The following APTX variants were observed in gnomAD, a reference collection of about 807,000 sequenced individuals.
The protein encoded by APTX is aprataxin, also known as forkhead-associated domain histidine triad-like protein.
A neutral mutation model predicts 42.3 loss-of-function variants in APTX; 33 were observed. The ratio of observed to expected loss-of-function variants is 0.78; its 90% CI spans 0.59 to 1.04. The LOEUF is 1.04. APTX is among the 50% of genes least tolerant of loss of function. APTX has a pLI of 0.00. For synonymous variants in APTX, 130 were observed against 146.7 expected, an observed-to-expected ratio of 0.89 and a Z score of 0.82; for missense variants, 421 against 415.1, an observed-to-expected ratio of 1.01 and a Z score of -0.12.
intron 1 of APTX, among the ~76,000 whole-genome samples, chr9:32,993,499 A>T (rs1230416713): frequency 6.6e-6 from 1 of 152,182 alleles, no homozygotes; most frequent in African/African-American, 2.4e-5. Context: ...AACACTTGGC[A>T]TACAGCGGGC....
rs1027650186 is a variant in APTX at position 32,993,961 on chromosome 9, C to T, written c.-4-4066G>A. ...CTCGAACTCCTGATGTCAGGCGATC[C>T]GCCCACCTCGGCCTCCCAAAGTGCT... On this transcript the variant is annotated intron_variant, in intron 1 of 7. Coordinates refer to ENST00000379817, the MANE Select transcript of APTX (RefSeq NM_001195248.2). Among the ~76,000 whole-genome samples, 7 of 151,460 alleles carry T rather than the reference C, an allele frequency of 4.6e-5. No individual in the cohort carries two copies. In the East Asian group the frequency reaches 1.2e-3, roughly 25 times the overall value.
At chr9:32,989,728 T>C (rs778967030) in intron 2 of APTX, 31 bp downstream of exon 2, 146 of 1,614,002 alleles carry the variant, frequency 9.0e-5, no homozygotes, top group Non-Finnish European at 1.2e-4. Flanking sequence ...CACATAACCA[T>C]AGTAATCTCC....
intron 1 of APTX, among the ~76,000 whole-genome samples, chr9:33,013,854 A>G (rs1341902193): frequency 6.6e-6 from 1 of 152,176 alleles, no homozygotes; most frequent in Non-Finnish European, 1.5e-5. Context: ...TGCCTTTTCA[A>G]TGTCAATGAT....
At chr9:32,987,522 C>G in intron 4 of APTX, 22 bp downstream of exon 4, 1 of 1,612,890 alleles carries the variant, frequency 6.2e-7, no homozygotes, top group Non-Finnish European at 8.5e-7. Context: ...TCCACATCAT[C>G]TACCAATCAC....
At chr9:33,021,773 T>C (rs776976807) in intron 1 of APTX, among the ~76,000 whole-genome samples, 2 of 152,124 alleles carry the variant, frequency 1.3e-5, no homozygotes, top group Non-Finnish European at 2.9e-5. Context: ...TACTTACAAA[T>C]AATCCTCAGT....
intron 1 of APTX, among the ~76,000 whole-genome samples, chr9:32,991,059 T>G (rs1833494187): frequency 6.6e-6 from 1 of 152,084 alleles, no homozygotes; most frequent in Non-Finnish European, 1.5e-5. Context: ...CCCGAGTAGC[T>G]GGGATTATGG....
chr9:33,004,630 C>CT (rs3065216), upstream of APTX, among the ~76,000 whole-genome samples: 7,211 of 125,594 alleles, frequency 0.057, 338 homozygotes, highest in East Asian at 0.11. Context: ...CTTGCCAACC[C>CT]TTTTTTTTTT....
chr9:32,997,680 G>T (rs1835273966), intron 1 of APTX, among the ~76,000 whole-genome samples: 1 of 152,222 alleles, frequency 6.6e-6, no homozygotes, highest in South Asian at 2.1e-4. Flanking sequence ...ATGCCATTCA[G>T]TGTTGCTGGA....
intron 5 of APTX, among the ~76,000 whole-genome samples, 186 bp downstream of exon 5, chr9:32,985,785 C>G (rs1831859016): frequency 6.6e-6 from 1 of 152,146 alleles, no homozygotes; most frequent in South Asian, 2.1e-4. Context: ...TCAGCTTTCT[C>G]TCCAAACAAT....
intron 1 of APTX, among the ~76,000 whole-genome samples, chr9:33,007,882 G>C (rs1448601051): frequency 6.6e-6 from 1 of 151,512 alleles, no homozygotes; most frequent in East Asian, 1.9e-4. Flanking sequence ...AGGCTGCCCA[G>C]AGGGGTACTC....
chr9:32,989,507 T>C, intron 2 of APTX: 1 of 621,530 alleles, frequency 1.6e-6, no homozygotes, highest in Non-Finnish European at 3.0e-6. Context: ...AGGACTCAAT[T>C]CCACCATCCC....
Position 32,986,040 on chromosome 9 carries a change from A to ATC in APTX, c.484-11_484-10insGA. The ATC allele has an allele frequency of 1.5e-6, 1 of 655,902 alleles. No homozygotes were observed. Among genetic ancestry groups the ATC allele is most frequent in the Non-Finnish European group, 2.2e-6 (1 of 447,032 alleles). The allele number at this position is 655,902 out of a possible 1,614,324, so 40.6% of individuals were successfully genotyped here. Reference sequence around the variant, plus strand: ...AGTGGCCCAGGGATTCCTAAAAAAAAAACAAAAAAAAAAACAAAAAAAAAA... The same window carrying ATC: ...AGTGGCCCAGGGATTCCTAAAAAAAATCAACAAAAAAAAAAACAAAAAAAAAA... On this transcript the variant is annotated splice_polypyrimidine_tract_variant and intron_variant, in intron 4 of 7. Coordinates refer to ENST00000379817, the MANE Select transcript of APTX (RefSeq NM_001195248.2).
At chr9:32,995,901 A>AAG (rs1554670212) in intron 1 of APTX, among the ~76,000 whole-genome samples, 3 of 151,686 alleles carry the variant, frequency 2.0e-5, no homozygotes, top group Non-Finnish European at 4.4e-5. Context: ...AAAAAAAAAA[A>AAG]AAAGAAATTG....
intron 3 of APTX, 84 bp from the exon 4 acceptor site, chr9:32,987,930 C>G: frequency 6.4e-7 from 1 of 1,554,430 alleles, no homozygotes; most frequent in Non-Finnish European, 8.8e-7. Flanking sequence ...TAACCACTTA[C>G]TATATGCCAA....
intron 6 of APTX, among the ~76,000 whole-genome samples, chr9:32,975,470 G>A (rs1408384439): frequency 6.6e-6 from 1 of 152,198 alleles, no homozygotes; most frequent in Non-Finnish European, 1.5e-5. Flanking sequence ...GGGAGGCCGA[G>A]GCAGGTGGAT....
At chr9:33,023,497 A>G in intron 1 of APTX, among the ~76,000 whole-genome samples, 1 of 152,254 alleles carries the variant, frequency 6.6e-6, no homozygotes, top group East Asian at 1.9e-4. Flanking sequence ...TGCTGGGATT[A>G]CAGGTGTGAG....
intron 6 of APTX, among the ~76,000 whole-genome samples, chr9:32,976,829 C>T (rs1218498087): frequency 6.6e-6 from 1 of 152,108 alleles, no homozygotes; most frequent in Non-Finnish European, 1.5e-5. Context: ...CAAGAAATTA[C>T]AAGAAATGAT....
At chr9:33,003,673 C>CAG (rs1836911674), upstream of APTX, among the ~76,000 whole-genome samples, 1 of 152,042 alleles carries the variant, frequency 6.6e-6, no homozygotes, top group South Asian at 2.1e-4. Context: ...CCCTATTTTC[C>CAG]CTCCCCCACC....
chr9:32,974,666 T>C, intron 6 of APTX, 105 bp from the exon 7 acceptor site: 1 of 699,756 alleles, frequency 1.4e-6, no homozygotes, highest in Non-Finnish European at 2.6e-6. Flanking sequence ...TATTGAATAC[T>C]CTTTGAATAT....
Sources: allele counts gnomAD v4.1 joint callset (sites outside exome capture counted in the v4.1 genomes callset), GRCh38; gene constraint gnomAD v4.1.1; transcripts MANE v1.5; gene names NCBI Gene and HGNC (gene_info 2026-07-23, HGNC 2026-07-21).